LRP1B: variants seen among roughly 807,000 people sequenced by gnomAD.
LRP1B encodes LDL receptor related protein 1B.
A neutral mutation model predicts 556.6 loss-of-function variants in LRP1B; 217 were observed. The ratio of observed to expected loss-of-function variants is 0.39; its 90% CI spans 0.35 to 0.44. LRP1B has a LOEUF of 0.44. LRP1B is among the 20% of genes least tolerant of loss of function. The probability of loss-of-function intolerance (pLI) is 1.00; values close to 1 mark genes in which losing one functional copy is unlikely to be tolerated. For synonymous variants in LRP1B, 2,047 were observed against 1,865.8 expected (o/e 1.10, Z -2.50); for missense variants, 5,053 against 5,620.8 (o/e 0.90, Z 3.23).
chr2:140,785,870 T>C (rs1348394982), intron 32 of LRP1B, among the ~76,000 whole-genome samples: 1 of 152,162 alleles, frequency 6.6e-6, no homozygotes, highest in Non-Finnish European at 1.5e-5. Flanking sequence ...AGACGGTCAC[T>C]GTTTTTTCCC....
intron 66 of LRP1B, among the ~76,000 whole-genome samples, chr2:140,400,843 A>G (rs925762009): frequency 1.3e-5 from 2 of 152,152 alleles, no homozygotes; most frequent in African/African-American, 2.4e-5. Flanking sequence ...CAGGATACAC[A>G]TTCCCAATGG....
At chr2:141,341,266 C>T (rs2683840) in intron 3 of LRP1B, among the ~76,000 whole-genome samples, 91,695 of 152,046 alleles carry the variant, frequency 0.6, 28,520 homozygotes, top group African/African-American at 0.68. Flanking sequence ...CATCTGAATA[C>T]TGAATGTCAT....
intron 5 of LRP1B, among the ~76,000 whole-genome samples, chr2:141,229,783 T>A (rs1367386035): frequency 6.6e-6 from 1 of 152,158 alleles, no homozygotes; most frequent in Non-Finnish European, 1.5e-5. Flanking sequence ...CTCCATACAG[T>A]TTTGCAGGTT....
intron 1 of LRP1B, among the ~76,000 whole-genome samples, chr2:141,819,256 CA>C (rs201026416): frequency 1.0e-4 from 15 of 148,886 alleles, no homozygotes; most frequent in East Asian, 8.0e-4. Context: ...AACAAACAAA[CA>C]AAAAAAAAAA....
At chr2:141,681,065 G>A (rs1005139056) in intron 2 of LRP1B, among the ~76,000 whole-genome samples, 1 of 152,098 alleles carries the variant, frequency 6.6e-6, no homozygotes, top group African/African-American at 2.4e-5. Flanking sequence ...GCTGAGGTGG[G>A]TAGATTGCTT....
In LRP1B at chr2:141,344,363, A is replaced by G. The variant is rs145642079; in HGVS notation, c.344-89722T>C. Among the ~76,000 whole-genome samples, 429 of 151,478 alleles carry G rather than the reference A, an allele frequency of 2.8e-3. 2 individuals carry two copies. Among genetic ancestry groups the G allele is most frequent in the Non-Finnish European group, 2.7e-3 (185 of 67,874 alleles). ...TCTGCTACTCCACTTTTATTCACTTATCTGCTCTAGCCACAATGTCCCCCT... is the reference window on the plus strand; with the variant it reads ...TCTGCTACTCCACTTTTATTCACTTGTCTGCTCTAGCCACAATGTCCCCCT... On this transcript the variant is annotated intron_variant, in intron 3 of 90. Transcript: ENST00000389484.
chr2:140,804,648 AATTTTTTTTTTTT>A (rs1460201941), intron 32 of LRP1B, among the ~76,000 whole-genome samples: 10 of 103,892 alleles, frequency 9.6e-5, no homozygotes, highest in Non-Finnish European at 1.3e-4. Context: ...GGTAAAAACT[AATTTTTTTTTTTT>A]TTTTTTTTTT....
chr2:141,842,213 G>A (rs1348345178), intron 1 of LRP1B, among the ~76,000 whole-genome samples: 2 of 152,000 alleles, frequency 1.3e-5, no homozygotes, highest in Non-Finnish European at 2.9e-5. Flanking sequence ...AATTGCTTAT[G>A]ATAGATGTAA....
intron 2 of LRP1B, among the ~76,000 whole-genome samples, chr2:141,722,954 A>C (rs1386838940): frequency 6.6e-6 from 1 of 152,156 alleles, no homozygotes; most frequent in African/African-American, 2.4e-5. Flanking sequence ...TCTTACATTG[A>C]TGAATATTTT....
Position 140,353,011 on chromosome 2 carries a change from T to C in LRP1B, c.11592A>G (p.Ser3864=), listed in dbSNP as rs765669303. ...AATTCTGGTCACACACACATTTATA[T>C]GATCCTTCCACATTTATACATTGAT... ...CSHQCINVEG[S]YKCVCDQNFQ... Residue 3864 remains serine, a synonymous_variant, in exon 76 of 91, where the codon TCA becomes TCG. Transcript: ENST00000389484. 6.2e-7 allele frequency: 1 copy of C among 1,613,016 alleles called. No individual in the cohort carries two copies. Among genetic ancestry groups the C allele is most frequent in the East Asian group, 2.2e-5 (1 of 44,642 alleles).
chr2:141,227,593 G>C (rs1683296096), intron 6 of LRP1B, among the ~76,000 whole-genome samples: 2 of 151,792 alleles, frequency 1.3e-5, no homozygotes, highest in African/African-American at 4.8e-5. Flanking sequence ...TATAATTTTT[G>C]GTCTATTTTC....
intron 55 of LRP1B, among the ~76,000 whole-genome samples, chr2:140,500,997 A>G (rs1689162444): frequency 6.6e-6 from 1 of 151,988 alleles, no homozygotes; most frequent in Admixed American, 6.6e-5. Context: ...TTCCACATTT[A>G]CAAAATTGAT....
chr2:141,170,684 CA>C (rs1290575064), intron 7 of LRP1B, among the ~76,000 whole-genome samples: 1 of 152,048 alleles, frequency 6.6e-6, no homozygotes, highest in Admixed American at 6.6e-5. Flanking sequence ...GGAAACCACT[CA>C]AACACCCTTG....
At chr2:140,824,698 T>C (rs1691445002) in intron 31 of LRP1B, among the ~76,000 whole-genome samples, 1 of 152,166 alleles carries the variant, frequency 6.6e-6, no homozygotes, top group East Asian at 1.9e-4. Context: ...AGCACTTTAA[T>C]ATGTTTTTTA....
At chr2:141,593,946 A>C (rs1687426416) in intron 2 of LRP1B, among the ~76,000 whole-genome samples, 1 of 151,714 alleles carries the variant, frequency 6.6e-6, no homozygotes, top group Non-Finnish European at 1.5e-5. Context: ...CAGATTGAGA[A>C]CTCATCTTCC....
intron 1 of LRP1B, among the ~76,000 whole-genome samples, chr2:141,890,329 T>TATAC (rs1553480459): frequency 8.4e-6 from 1 of 118,762 alleles, no homozygotes; most frequent in African/African-American, 3.9e-5. Flanking sequence ...AATACATATA[T>TATAC]ATATATATAT....
At chr2:140,837,254 C>G (rs909564395) in intron 31 of LRP1B, among the ~76,000 whole-genome samples, 1 of 152,124 alleles carries the variant, frequency 6.6e-6, no homozygotes, top group African/African-American at 2.4e-5. Context: ...ACCAAGCTAA[C>G]AGTAACTTGC....
At chr2:140,550,510 T>C (rs138221618) in intron 43 of LRP1B, among the ~76,000 whole-genome samples, 62 of 152,186 alleles carry the variant, frequency 4.1e-4, no homozygotes, top group South Asian at 8.3e-4. Context: ...GACAAGAGAG[T>C]TCTTTCTTAA....
chr2:141,757,739 A>G (rs1694374588), intron 2 of LRP1B, among the ~76,000 whole-genome samples: 1 of 151,836 alleles, frequency 6.6e-6, no homozygotes, highest in Admixed American at 6.6e-5. Flanking sequence ...GTCTCACTAC[A>G]TTGCCCAGGC....
Sources: allele counts gnomAD v4.1 joint callset (sites outside exome capture counted in the v4.1 genomes callset), GRCh38; gene constraint gnomAD v4.1.1; transcripts MANE v1.5; gene names NCBI Gene and HGNC (gene_info 2026-07-23, HGNC 2026-07-21).